OIP5: variants seen among roughly 807,000 people sequenced by gnomAD.
OIP5 encodes the protein protein Mis18-beta.
A neutral mutation model predicts 20.3 loss-of-function variants in OIP5; 24 were observed. The observed-to-expected ratio is 1.18, with a 90% CI of 0.86 to 1.66. The LOEUF (loss-of-function observed/expected upper bound fraction) is 1.66, where lower values mean the gene tolerates loss of function less well. Ranked by LOEUF, OIP5 falls within the 40% of genes most tolerant of loss-of-function variation. The probability of loss-of-function intolerance (pLI) is 0.00; values close to 1 mark genes in which losing one functional copy is unlikely to be tolerated. For synonymous variants in OIP5, 143 were observed against 121.3 expected, an observed-to-expected ratio of 1.18 and a Z score of -1.17; for missense variants, 339 against 289.5, an observed-to-expected ratio of 1.17 and a Z score of -1.24.
At chr15:41,320,968 G>A (rs914945639) in intron 2 of OIP5, among the ~76,000 whole-genome samples, 15 of 150,732 alleles carry the variant, frequency 1.0e-4, no homozygotes, top group Non-Finnish European at 1.5e-4. Context: ...GCCTCTGCCC[G>A]GCCGCGACCC....
At chr15:41,313,636 C>CAA (rs911222836) in intron 3 of OIP5, among the ~76,000 whole-genome samples, 1 of 152,074 alleles carries the variant, frequency 6.6e-6, no homozygotes, top group African/African-American at 2.4e-5. Context: ...AACATTACAA[C>CAA]AACTTTGTAA....
rs553673373 is a variant in OIP5 at position 41,320,735 on chromosome 15, T to G, written c.390-955A>C. 7.0e-3 allele frequency among the ~76,000 whole-genome samples: 950 copies of G among 135,088 alleles called. 15 individuals carry two copies. Among genetic ancestry groups the G allele is most frequent in the African/African-American group, 0.025 (892 of 35,604 alleles). 88.6% of individuals were successfully genotyped at this position (135,088 alleles called of 152,430 possible). A position where few individuals can be genotyped will look rare whatever the true frequency, so the allele number is the denominator to read the frequency against. ...CTGGGAAGTGAGGAGCGTCTCTGCC[T>G]GGCCACCCATCGTCTGGGATGTGAG... On this transcript the variant is annotated intron_variant, in intron 2 of 4. Transcript: ENST00000220514.
intron 2 of OIP5, among the ~76,000 whole-genome samples, chr15:41,325,739 A>T (rs1165107689): frequency 2.0e-5 from 3 of 151,768 alleles, no homozygotes; most frequent in African/African-American, 7.3e-5. Context: ...AATCCCAGCT[A>T]CTAGGGAGGC....
In OIP5 at chr15:41,332,063, GC is replaced by G. The variant is rs1050083945; in HGVS notation, c.323-83del. On this transcript the variant is annotated intron_variant, in intron 1 of 4. Transcript: ENST00000220514. ...CTCTCCTCTAGACAGACTCATCCTG[GC>G]CGTAAATATCAGGAGACTCCCCGAT... 2.1e-6 allele frequency: 3 copies of G among 1,437,218 alleles called. No homozygotes were observed. The Admixed American group carries it at 5.1e-5, about 24-fold the overall frequency. 89.0% of individuals were successfully genotyped at this position (1,437,218 alleles called of 1,614,324 possible). A position where few individuals can be genotyped will look rare whatever the true frequency, so the allele number is the denominator to read the frequency against.
At chr15:41,310,650 C>A (rs528278830) in intron 4 of OIP5, among the ~76,000 whole-genome samples, 1 of 151,204 alleles carries the variant, frequency 6.6e-6, no homozygotes, top group South Asian at 2.1e-4. Flanking sequence ...AAAAAAAGAT[C>A]CTCAGATGTA....
At chr15:41,314,451 G>A (rs113026552) in intron 3 of OIP5, among the ~76,000 whole-genome samples, 3,437 of 151,976 alleles carry the variant, frequency 0.023, 55 homozygotes, top group Middle Eastern at 0.061. Flanking sequence ...TGAGCCTACT[G>A]TTACATATTT....
At position 41,332,506 on chromosome 15, in the gene OIP5, TC is replaced by T; in HGVS notation, c.55del (p.Asp19ThrfsTer26). The T allele has an allele frequency of 3.1e-6, 5 of 1,613,056 alleles. No individual in the cohort carries two copies. The highest frequency in any genetic ancestry group is 3.3e-4 in the Middle Eastern group (2 of 6,060). ...CGCCCTCTCAGTGCCACCACAAAAG[TC>T]CCCCCGGGGCGGCGTTGCACAACGT... The part of the protein sequence containing the change: ...RSRCATPPRG[D>X]FCGGTERAID... On this transcript the variant is annotated frameshift_variant, in exon 1 of 5. Coordinates refer to ENST00000220514, the MANE Select transcript of OIP5 (RefSeq NM_007280.2). LOFTEE classifies it high-confidence loss of function.
At chr15:41,318,703 T>G (rs2047803600) in intron 3 of OIP5, among the ~76,000 whole-genome samples, 1 of 146,610 alleles carries the variant, frequency 6.8e-6, no homozygotes, top group Admixed American at 6.9e-5. Context: ...AAGATTATAT[T>G]TTGGTCCCAC....
intron 1 of OIP5, 89 bp downstream of exon 1, chr15:41,332,151 C>T (rs2047930779): frequency 7.0e-7 from 1 of 1,427,710 alleles, no homozygotes. Flanking sequence ...CGTTTTCTTC[C>T]CCAGGTGGTT....
At chr15:41,332,114 G>A in intron 1 of OIP5, 126 bp downstream of exon 1, 1 of 1,332,616 alleles carries the variant, frequency 7.5e-7, no homozygotes, top group African/African-American at 1.5e-5. Context: ...CCAGGCCAAG[G>A]AGTTATTTGC....
chr15:41,324,507 T>C (rs1454302969), intron 2 of OIP5, among the ~76,000 whole-genome samples: 4 of 152,118 alleles, frequency 2.6e-5, no homozygotes. Context: ...GTTTGTTTGT[T>C]TGATGGAGTT....
intron 2 of OIP5, among the ~76,000 whole-genome samples, chr15:41,320,967 C>T (rs1245656800): frequency 1.3e-5 from 2 of 151,688 alleles, no homozygotes; most frequent in Non-Finnish European, 1.5e-5. Flanking sequence ...CGCCTCTGCC[C>T]GGCCGCGACC....
At chr15:41,329,494 T>TAC (rs1324689582) in intron 2 of OIP5, among the ~76,000 whole-genome samples, 4 of 151,100 alleles carry the variant, frequency 2.6e-5, no homozygotes, top group South Asian at 4.2e-4. Context: ...TTTTGTACTT[T>TAC]TAGTAGAGAC....
intron 3 of OIP5, among the ~76,000 whole-genome samples, chr15:41,316,789 C>CAAAAAAAAA (rs11385589): frequency 3.2e-5 from 2 of 61,906 alleles, no homozygotes; most frequent in African/African-American, 6.0e-5. Flanking sequence ...GACTCCATCT[C>CAAAAAAAAA]AAAAAAAAAA....
intron 4 of OIP5, among the ~76,000 whole-genome samples, chr15:41,312,509 G>T (rs1300082310): frequency 6.6e-6 from 1 of 152,054 alleles, no homozygotes; most frequent in Non-Finnish European, 1.5e-5. Flanking sequence ...GCCCAGGCTG[G>T]AGTGCAGTGG....
rs1327947684 is a variant in OIP5 at position 41,332,340 on chromosome 15, C to T, written c.222G>A (p.Arg74=). 6.2e-7 allele frequency: 1 copy of T among 1,612,234 alleles called. No individual in the cohort carries two copies. Among genetic ancestry groups the T allele is most frequent in the Non-Finnish European group, 8.5e-7 (1 of 1,179,080 alleles). ...PQLPSWLQPE[R]CAVFQCAQCH... ...ACTGTGCGCACTGGAACACAGCGCA[C>T]CTCTCAGGCTGCAGCCAAGACGGCA... The change falls in exon 1 of 5, where the codon AGG becomes AGA. Residue 74 remains arginine, a synonymous_variant. Coordinates refer to ENST00000220514, the MANE Select transcript of OIP5 (RefSeq NM_007280.2).
chr15:41,315,320 C>T (rs1280057648), intron 3 of OIP5, among the ~76,000 whole-genome samples: 5 of 151,080 alleles, frequency 3.3e-5, no homozygotes, highest in African/African-American at 1.2e-4. Context: ...GTCCCATCTG[C>T]TTGGGAGGCA....
chr15:41,331,776 A>T, intron 2 of OIP5, 139 bp downstream of exon 2: 1 of 723,468 alleles, frequency 1.4e-6, no homozygotes, highest in Non-Finnish European at 2.4e-6. Context: ...TTTTCATTTC[A>T]TTAATACATC....
chr15:41,329,063 C>CAAAAAA (rs1166517767), intron 2 of OIP5, among the ~76,000 whole-genome samples: 42 of 50,330 alleles, frequency 8.3e-4, no homozygotes, highest in Admixed American at 1.2e-3. Context: ...GACTCCATCT[C>CAAAAAA]AAAAAAAAAA....
Sources: gnomAD v4.1 joint callset for allele counts (sites outside exome capture counted in the v4.1 genomes callset) on GRCh38, gnomAD v4.1.1 for gene constraint, MANE v1.5 for transcripts, NCBI Gene and HGNC (gene_info 2026-07-23, HGNC 2026-07-21) for gene names.